The following RBPMS variants were observed in gnomAD, a reference collection of about 807,000 sequenced individuals.
RBPMS encodes the protein RNA binding protein, mRNA processing factor.
A neutral mutation model predicts 26.8 loss-of-function variants in RBPMS; 7 were observed. The ratio of observed to expected loss-of-function variants is 0.26; its 90% CI spans 0.15 to 0.49. The LOEUF (loss-of-function observed/expected upper bound fraction) is 0.49. Among genes scored for constraint, RBPMS ranks in the 20% least tolerant of loss-of-function variants. The pLI, the probability that RBPMS is intolerant of heterozygous loss-of-function variation, is 0.98. For missense variants in RBPMS, 186 were observed against 250.0 expected (o/e 0.74, Z 1.73); for synonymous variants, 96 against 93.3 (o/e 1.03, Z -0.17).
intron 1 of RBPMS, among the ~76,000 whole-genome samples, chr8:30,458,182 G>T (rs1198672312): frequency 6.6e-6 from 1 of 152,164 alleles, no homozygotes; most frequent in Admixed American, 6.5e-5. Flanking sequence ...AAAAAAGTCT[G>T]TACATGTTCA....
intron 1 of RBPMS, among the ~76,000 whole-genome samples, chr8:30,472,471 T>A (rs1181131645): frequency 2.6e-5 from 4 of 152,160 alleles, no homozygotes; most frequent in Middle Eastern, 3.2e-3. Context: ...TGATAGATTG[T>A]CTTGGTTGTG....
chr8:30,480,719 A>G (rs1308763297), intron 4 of RBPMS, among the ~76,000 whole-genome samples: 3 of 152,264 alleles, frequency 2.0e-5, no homozygotes, highest in Admixed American at 6.5e-5. Context: ...ATGTTTTGAT[A>G]TAAAAGTTGT....
intron 5 of RBPMS, among the ~76,000 whole-genome samples, chr8:30,536,289 A>C (rs999036903): frequency 1.3e-5 from 2 of 152,164 alleles, no homozygotes; most frequent in African/African-American, 4.8e-5. Flanking sequence ...CACCACGCCC[A>C]GCTAATTTTG....
At chr8:30,501,328 C>T (rs779105446) in intron 4 of RBPMS, among the ~76,000 whole-genome samples, 130 of 146,944 alleles carry the variant, frequency 8.8e-4, no homozygotes, top group Non-Finnish European at 3.0e-4. Context: ...GAGCCCTTTC[C>T]TGAACTGCAC....
intron 1 of RBPMS, among the ~76,000 whole-genome samples, chr8:30,425,356 T>C (rs1188604480): frequency 6.6e-6 from 1 of 152,162 alleles, no homozygotes; most frequent in East Asian, 1.9e-4. Flanking sequence ...GCATCCATAA[T>C]TTAAGTATGT....
At chr8:30,418,368 G>A (rs1012787769) in intron 1 of RBPMS, among the ~76,000 whole-genome samples, 1 of 152,118 alleles carries the variant, frequency 6.6e-6, no homozygotes, top group East Asian at 1.9e-4. Flanking sequence ...GGTGCACACC[G>A]CCTGGCCTGG....
intron 6 of RBPMS, chr8:30,556,662 C>G: frequency 6.1e-6 from 6 of 986,006 alleles, no homozygotes; most frequent in Non-Finnish European, 7.2e-6. Context: ...GTTTAGGTGT[C>G]CAGCCCCCCA....
chr8:30,538,260 CT>C (rs35741819), intron 5 of RBPMS, among the ~76,000 whole-genome samples: 47 of 146,910 alleles, frequency 3.2e-4, no homozygotes, highest in Admixed American at 4.7e-4. Context: ...TTCACCCAAT[CT>C]TTTTTTTTTT....
intron 5 of RBPMS, among the ~76,000 whole-genome samples, chr8:30,533,185 G>A (rs1036194071): frequency 2.0e-5 from 3 of 152,184 alleles, no homozygotes. Flanking sequence ...CCATTTTGTG[G>A]CCTCATGGCT....
intron 5 of RBPMS, among the ~76,000 whole-genome samples, chr8:30,539,893 T>C (rs1443393922): frequency 6.6e-6 from 1 of 152,208 alleles, no homozygotes; most frequent in East Asian, 1.9e-4. Context: ...CCCAAAGTGC[T>C]GGGATTACAG....
At chr8:30,512,985 A>T (rs1417484315) in intron 5 of RBPMS, among the ~76,000 whole-genome samples, 1 of 151,880 alleles carries the variant, frequency 6.6e-6, no homozygotes, top group Non-Finnish European at 1.5e-5. Context: ...ACACTTAGAA[A>T]GGCAGCCTTC....
chr8:30,453,815 A>G (rs147608801), intron 1 of RBPMS: 1 of 152,298 alleles, frequency 6.6e-6, no homozygotes, highest in Non-Finnish European at 1.5e-5. Flanking sequence ...AGTAGGTACA[A>G]TTGAATGTTA....
intron 3 of RBPMS, 57 bp downstream of exon 3, chr8:30,477,894 G>C: frequency 1.7e-6 from 2 of 1,167,946 alleles, no homozygotes; most frequent in Non-Finnish European, 2.5e-6. Context: ...CAGGAATATT[G>C]CTGGGGCTTG....
intron 1 of RBPMS, among the ~76,000 whole-genome samples, chr8:30,389,173 GT>G (rs1366923736): frequency 6.6e-6 from 1 of 152,206 alleles, no homozygotes; most frequent in African/African-American, 2.4e-5. Flanking sequence ...GTTATTCCAA[GT>G]TCAATCCAAT....
At chr8:30,470,334 A>G (rs1816956019) in intron 1 of RBPMS, among the ~76,000 whole-genome samples, 2 of 152,148 alleles carry the variant, frequency 1.3e-5, no homozygotes, top group Non-Finnish European at 2.9e-5. Flanking sequence ...CAGTAAGCCA[A>G]GATCACGCCA....
intron 1 of RBPMS, among the ~76,000 whole-genome samples, chr8:30,388,449 G>T (rs1321318331): frequency 7.2e-6 from 1 of 138,000 alleles, no homozygotes; most frequent in Non-Finnish European, 1.6e-5. Flanking sequence ...TATAGCTATA[G>T]CTATAAGCTA....
chr8:30,422,929 T>C (rs1810960974), intron 1 of RBPMS, among the ~76,000 whole-genome samples: 1 of 152,212 alleles, frequency 6.6e-6, no homozygotes, highest in African/African-American at 2.4e-5. Flanking sequence ...GCTGGGGAAA[T>C]GGGTGAAACA....
At chr8:30,478,733 C>T (rs536681313) in intron 3 of RBPMS, among the ~76,000 whole-genome samples, 2 of 152,258 alleles carry the variant, frequency 1.3e-5, no homozygotes, top group South Asian at 4.1e-4. Flanking sequence ...CTCTTGACCT[C>T]GTGATCCGCC....
chr8:30,511,237 C>G (rs1821557410), intron 5 of RBPMS, among the ~76,000 whole-genome samples: 1 of 151,958 alleles, frequency 6.6e-6, no homozygotes, highest in African/African-American at 2.4e-5. Context: ...TCACTTGAAC[C>G]CAGGAGGCAG....
Sources: gnomAD v4.1 joint callset for allele counts (sites outside exome capture counted in the v4.1 genomes callset) on GRCh38, gnomAD v4.1.1 for gene constraint, MANE v1.5 for transcripts, NCBI Gene and HGNC (gene_info 2026-07-23, HGNC 2026-07-21) for gene names.